LILRA5: variants seen among roughly 807,000 people sequenced by gnomAD.
LILRA5 encodes the protein leukocyte immunoglobulin like receptor A5, also known as leukocyte immunoglobulin-like receptor subfamily A member 5.
In LILRA5, 31 loss-of-function variants were observed where a neutral mutation model predicts 36.3. That is an observed-to-expected ratio of 0.85 (90% CI 0.64 to 1.15). LILRA5 has a LOEUF of 1.15. Ranked by LOEUF, LILRA5 falls within the 50% of genes most tolerant of loss-of-function variation. LILRA5 has a pLI of 0.00. For synonymous variants in LILRA5, 144 were observed against 144.8 expected, an observed-to-expected ratio of 0.99 and a Z score of 0.04; for missense variants, 348 against 377.4, an observed-to-expected ratio of 0.92 and a Z score of 0.64.
intron 5 of LILRA5, chr19:54,310,741 T>A: frequency 3.2e-6 from 1 of 317,032 alleles, no homozygotes; most frequent in South Asian, 2.6e-5. Context: ...GTGGAGGAGG[T>A]CACGTCTGTC....
chr19:54,311,754 C>A (rs2081021603), intron 4 of LILRA5, 38 bp from the exon 5 acceptor site: 1 of 1,609,690 alleles, frequency 6.2e-7, no homozygotes, highest in Admixed American at 1.7e-5. Context: ...ATGGGGCTCC[C>A]ACCTCCCACA....
Position 54,312,076 on chromosome 19 carries a change from C to T in LILRA5, c.197G>A (p.Arg66Gln), listed in dbSNP as rs568715215. The T allele has an allele frequency of 1.9e-5, 30 of 1,614,142 alleles. No homozygotes were observed. The highest frequency in any genetic ancestry group is 4.5e-5 in the East Asian group (2 of 44,878). Residue 66 changes from arginine (R) to glutamine (Q), a missense_variant, in exon 4 of 7, where the codon CGG becomes CAG. Arg to Gln is a conservative substitution (Grantham distance 43). Coordinates refer to ENST00000432233, the MANE Select transcript of LILRA5 (RefSeq NM_021250.4). The part of the protein sequence containing the change: ...VISRGNSVTI[R>Q]CQGTLEAQEY... ...CTGGGCCTCCAGGGTCCCCTGACAC[C>T]GGATGGTCACAGAGTTCCCCCGGCT...
intron 3 of LILRA5, 61 bp from the exon 4 acceptor site, chr19:54,312,209 G>A: frequency 6.2e-7 from 1 of 1,610,136 alleles, no homozygotes; most frequent in Non-Finnish European, 8.5e-7. Flanking sequence ...CCAGCTCTCA[G>A]CCCCAGGACC....
chr19:54,308,267 C>G, intron 5 of LILRA5: 1 of 160,210 alleles, frequency 6.2e-6, no homozygotes, highest in East Asian at 1.7e-4. Context: ...CTCTAGTCAG[C>G]TAACTATTCA....
Position 54,311,541 on chromosome 19 carries a change from G to T in LILRA5, c.585C>A (p.Phe195Leu), listed in dbSNP as rs1285233645. ...LDSQLTPSGQ[F>L]QALFPVGPVT... ...CAGGGCCCACAGGGAACAGGGCCTG[G>T]AACTGCCCACTGGGGGTCAGCTGTG... The change falls in exon 5 of 7, where the codon TTC (phenylalanine) becomes TTA (leucine). Residue 195 changes from phenylalanine to leucine, a missense_variant. By Grantham distance (22) the Phe-to-Leu change is conservative. Coordinates refer to ENST00000432233, the MANE Select transcript of LILRA5 (RefSeq NM_021250.4). 3.7e-6 allele frequency: 6 copies of T among 1,614,152 alleles called. No homozygotes were observed. Among genetic ancestry groups the T allele is most frequent in the Admixed American group, 3.3e-5 (2 of 60,024 alleles).
chr19:54,311,463 G>T lies in LILRA5; in HGVS notation c.663C>A (p.Ile221=). 2 of 1,614,176 alleles carry T rather than the reference G, an allele frequency of 1.2e-6. No homozygotes were observed. Among genetic ancestry groups the T allele is most frequent in the Non-Finnish European group, 1.7e-6 (2 of 1,180,030 alleles). Residue 221 remains isoleucine, a synonymous_variant, in exon 5 of 7, where the codon ATC becomes ATA. Coordinates refer to ENST00000432233, the MANE Select transcript of LILRA5 (RefSeq NM_021250.4). ...CACTGGGTTCTGACCATACCTGCAG[G>T]ATATGCCTGCGAGAGCCATAGCATC... The part of the protein sequence containing the change: ...MLRCYGSRRH[I]LQVWSEPSDL...
Position 54,312,532 on chromosome 19 carries a change from C to G in LILRA5, c.88+5G>C. ...GTGCCCCTTCCCTGAGGCTTCCAAT[C>G]TCACCGAGGCAGAGCAGAACCATGA... On this transcript the variant is annotated splice_donor_5th_base_variant and intron_variant, in intron 2 of 6. Coordinates refer to ENST00000432233, the MANE Select transcript of LILRA5 (RefSeq NM_021250.4). 1.9e-6 allele frequency: 3 copies of G among 1,614,224 alleles called. No homozygotes were observed. The highest frequency in any genetic ancestry group is 2.5e-6 in the Non-Finnish European group (3 of 1,180,020).
At position 54,311,958 on chromosome 19, in the gene LILRA5, G is replaced by A; in HGVS notation, c.315C>T (p.Ser105=). The change falls in exon 4 of 7, where the codon TCC becomes TCT. Residue 105 remains serine (S), a synonymous_variant. Transcript: ENST00000432233. ...ATCTCCCTGCATGGTGCTCTGTCAT[G>A]GATGGGATGGAGAATCTGGCCTTGT... ...PKNKARFSIP[S]MTEHHAGRYR... 6.2e-7 allele frequency: 1 copy of A among 1,614,168 alleles called. No individual in the cohort carries two copies. The highest frequency in any genetic ancestry group is 8.5e-7 in the Non-Finnish European group (1 of 1,180,020).
intron 5 of LILRA5, 196 bp from the exon 6 acceptor site, chr19:54,307,944 T>G: frequency 3.4e-6 from 2 of 594,324 alleles, no homozygotes; most frequent in Admixed American, 5.8e-5. Context: ...CTTTCCTTTG[T>G]TCTTTGAATT....
At position 54,312,189 on chromosome 19, in the gene LILRA5, C is replaced by A. The variant is rs778974787; in HGVS notation, c.125-41G>T. On this transcript the variant is annotated intron_variant, in intron 3 of 6. Coordinates refer to ENST00000432233, the MANE Select transcript of LILRA5 (RefSeq NM_021250.4). ...AGTCTGGGCTCCAAGACCTCCCCACCCCTCAGATCCCAGCTCTCAGCCCCA... is the reference window on the plus strand; with the variant it reads ...AGTCTGGGCTCCAAGACCTCCCCACACCTCAGATCCCAGCTCTCAGCCCCA... 7 of 1,610,570 alleles carry A rather than the reference C, an allele frequency of 4.3e-6. No homozygotes were observed. In the South Asian group the frequency reaches 5.5e-5, roughly 13 times the overall value.
rs576321839 is a variant in LILRA5 at position 54,312,271 on chromosome 19, C to A, written c.124+64G>T. 3.1e-6 allele frequency: 5 copies of A among 1,613,952 alleles called. No homozygotes were observed. In the African/African-American group the frequency reaches 6.7e-5, roughly 22 times the overall value. On this transcript the variant is annotated intron_variant, in intron 3 of 6. Coordinates refer to ENST00000432233, the MANE Select transcript of LILRA5 (RefSeq NM_021250.4). ...GAACTGCGGTCTTCACCCCCAGCTGCCCATGGGTGGCCCTTTGTCCCCATT... is the reference window on the plus strand; with the variant it reads ...GAACTGCGGTCTTCACCCCCAGCTGACCATGGGTGGCCCTTTGTCCCCATT...
chr19:54,308,503 C>A (rs1353202830), intron 5 of LILRA5: 2 of 148,800 alleles, frequency 1.3e-5, no homozygotes, highest in South Asian at 2.2e-4. Context: ...CCAAGGCGGG[C>A]AGATCACGAG....
chr19:54,307,397 T>C lies in LILRA5; in HGVS notation c.*16A>G. 4 of 1,595,768 alleles carry C rather than the reference T, an allele frequency of 2.5e-6. No individual in the cohort carries two copies. The highest frequency in any genetic ancestry group is 3.4e-6 in the Non-Finnish European group (4 of 1,171,000). On this transcript the variant is annotated 3_prime_UTR_variant, in exon 7 of 7. Transcript: ENST00000432233. The stretch of plus-strand genomic sequence containing the variant: ...CAAGGCTCCAGCATTCAATGGTGCA[T>C]TGTTCTCTCTTCTGTTCACCTTCCA...
At chr19:54,310,660 G>A in intron 5 of LILRA5, 1 of 258,474 alleles carries the variant, frequency 3.9e-6, no homozygotes, top group Non-Finnish European at 7.8e-6. Context: ...AGAAATGAGG[G>A]GGCTTTGGGG....
intron 5 of LILRA5, chr19:54,311,193 T>C (rs1304377648): frequency 7.6e-5 from 98 of 1,290,480 alleles, no homozygotes; most frequent in Non-Finnish European, 9.9e-5. Flanking sequence ...TGACATCAGG[T>C]GATCCACCTG....
chr19:54,311,043 C>T (rs755554065), intron 5 of LILRA5: 33 of 316,100 alleles, frequency 1.0e-4, no homozygotes, highest in Non-Finnish European at 1.9e-4. Flanking sequence ...GCAACCTCCG[C>T]CTCCCGGGTT....
At position 54,307,200 on chromosome 19, in the gene LILRA5, C is replaced by T. The variant is rs1437949709; in HGVS notation, c.*213G>A. ...CGGAGGTTGCAGTGAGCCCAGATTG[C>T]GCCACTGCATTCCAGCCTGGTGACA... On this transcript the variant is annotated 3_prime_UTR_variant, in exon 7 of 7. Coordinates refer to ENST00000432233, the MANE Select transcript of LILRA5 (RefSeq NM_021250.4). 1.9e-5 allele frequency: 7 copies of T among 360,956 alleles called. No individual in the cohort carries two copies. Among genetic ancestry groups the T allele is most frequent in the East Asian group, 1.6e-4 (3 of 19,254 alleles). 22.4% of individuals were successfully genotyped at this position (360,956 alleles called of 1,614,324 possible).
intron 5 of LILRA5, chr19:54,310,699 C>T: frequency 6.0e-6 from 2 of 330,692 alleles, no homozygotes; most frequent in Non-Finnish European, 6.2e-6. Flanking sequence ...GGGAAGTCAG[C>T]CTGGGAGAGC....
chr19:54,311,319 T>C (rs1292616344), intron 5 of LILRA5, 95 bp downstream of exon 5: 1 of 1,611,156 alleles, frequency 6.2e-7, no homozygotes. Flanking sequence ...CTTCCCCTTT[T>C]TGTCTTTCTT....
Sources: allele counts gnomAD v4.1 joint callset, GRCh38; gene constraint gnomAD v4.1.1; transcripts MANE v1.5; gene names NCBI Gene and HGNC (gene_info 2026-07-23, HGNC 2026-07-21).